Variants in ZC4H2 observed in about 807,000 individuals in gnomAD.
The protein encoded by ZC4H2 is zinc finger C4H2-type containing, also known as zinc finger C4H2 domain-containing protein.
For synonymous variants in ZC4H2, 84 were observed against 66.3 expected, an observed-to-expected ratio of 1.27 and a Z score of -1.30; for missense variants, 137 against 173.9, an observed-to-expected ratio of 0.79 and a Z score of 1.19.
intron 1 of ZC4H2, among the ~76,000 whole-genome samples, chrX:65,005,821 G>A (rs1430878176): frequency 9.1e-6 from 1 of 109,435 alleles, no homozygotes; most frequent in African/African-American, 3.3e-5. Flanking sequence ...CTGACAAAGG[G>A]CTAATATACA....
At chrX:64,919,377 G>A (rs918601147) in intron 3 of ZC4H2, 173 bp from the exon 4 acceptor site, 1 of 482,042 alleles carries the variant, frequency 2.1e-6, no homozygotes, top group African/African-American at 2.4e-5. Flanking sequence ...AATGTCTGAT[G>A]AGAAGGGTAA....
chrX:64,941,256 C>T (rs1260366149), intron 1 of ZC4H2, among the ~76,000 whole-genome samples: 1 of 112,155 alleles, frequency 8.9e-6, no homozygotes. Flanking sequence ...TATCCTGAGA[C>T]TTTGCTAAAG....
At chrX:64,923,658 A>G (rs1175400631) in intron 1 of ZC4H2, among the ~76,000 whole-genome samples, 1 of 105,765 alleles carries the variant, frequency 9.5e-6, no homozygotes, top group Non-Finnish European at 1.9e-5. Flanking sequence ...TTCTATACTA[A>G]GAAAACATCT....
upstream of ZC4H2, among the ~76,000 whole-genome samples, chrX:64,981,071 T>C (rs1447817729): frequency 1.8e-5 from 2 of 109,024 alleles, no homozygotes; most frequent in Admixed American, 2.0e-4. Context: ...GCAGAACGAA[T>C]AGCCGGTGCA....
chrX:65,017,083 A>G (rs1569231508), intron 1 of ZC4H2, among the ~76,000 whole-genome samples: 1 of 111,836 alleles, frequency 8.9e-6, no homozygotes, highest in Non-Finnish European at 1.9e-5. Context: ...CATCTGCTAG[A>G]GTTATTTCTG....
chrX:64,940,892 G>T (rs1288903659), intron 1 of ZC4H2, among the ~76,000 whole-genome samples: 2 of 111,556 alleles, frequency 1.8e-5, no homozygotes, highest in Non-Finnish European at 3.8e-5. Context: ...CTCTTTTTTG[G>T]TTCCACATGA....
intron 1 of ZC4H2, among the ~76,000 whole-genome samples, chrX:64,990,267 C>T (rs146948569): frequency 0.019 from 2,094 of 111,728 alleles, 19 homozygotes; most frequent in Non-Finnish European, 0.031. Context: ...ATGTCAATCC[C>T]TAAAGGGATA....
At chrX:64,955,524 C>G (rs986816240) in intron 1 of ZC4H2, among the ~76,000 whole-genome samples, 1 of 111,166 alleles carries the variant, frequency 9.0e-6, no homozygotes, top group Non-Finnish European at 1.9e-5. Flanking sequence ...AATCTCACAA[C>G]TGAGAAGGGT....
At chrX:64,979,824 T>A (rs780082193), upstream of ZC4H2, among the ~76,000 whole-genome samples, 20 of 111,551 alleles carry the variant, frequency 1.8e-4, no homozygotes, top group African/African-American at 5.9e-4. Context: ...TAAAAAAAAA[T>A]CTTAGTTTTA....
chrX:64,958,517 T>C (rs1015040138), intron 1 of ZC4H2, among the ~76,000 whole-genome samples: 3 of 111,988 alleles, frequency 2.7e-5, no homozygotes, highest in African/African-American at 9.7e-5. Context: ...CTTGCTTCTA[T>C]ATATGGCTAT....
In ZC4H2 at chrX:64,949,405, C is replaced by T. The variant is rs975253743; in HGVS notation, c.53+26920G>A. Among the ~76,000 whole-genome samples the T allele has an allele frequency of 3.6e-5, 4 of 111,394 alleles. No homozygotes were observed. The South Asian group carries it at 1.5e-3, about 42-fold the overall frequency. ...TGAATGACTTACAGTACCTAGAATT[C>T]CATTTCATCATATCAAACTGTTTTA... On this transcript the variant is annotated intron_variant, in intron 1 of 4. Transcript: ENST00000374839.
chrX:65,001,957 G>A (rs1932545760), intron 1 of ZC4H2, among the ~76,000 whole-genome samples: 2 of 111,240 alleles, frequency 1.8e-5, no homozygotes, highest in Admixed American at 1.9e-4. Flanking sequence ...TCTTAGAGAC[G>A]TAAAAAGAGA....
At position 64,958,434 on chromosome X, in the gene ZC4H2, T is replaced by C. The variant is rs754427252; in HGVS notation, c.53+17891A>G. Among the ~76,000 whole-genome samples, 163 of 111,954 alleles carry C rather than the reference T, an allele frequency of 1.5e-3. 1 individual carries two copies. The highest frequency in any genetic ancestry group is 5.1e-3 in the African/African-American group (156 of 30,797). Reference sequence around the variant, plus strand: ...GTATATATGTACATATATGTGTATATAAAAATTGTTATATTGGCCAATTTC... The same window carrying C: ...GTATATATGTACATATATGTGTATACAAAAATTGTTATATTGGCCAATTTC... On this transcript the variant is annotated intron_variant, in intron 1 of 4. Transcript: ENST00000374839.
At chrX:65,011,721 T>TG (rs1932756540) in intron 1 of ZC4H2, among the ~76,000 whole-genome samples, 1 of 108,844 alleles carries the variant, frequency 9.2e-6, no homozygotes, top group South Asian at 4.1e-4. Context: ...TGTATTTTTT[T>TG]TTGTTGTTGT....
intron 1 of ZC4H2, among the ~76,000 whole-genome samples, chrX:64,966,100 A>T (rs935945031): frequency 6.2e-5 from 7 of 112,099 alleles, no homozygotes; most frequent in African/African-American, 2.3e-4. Flanking sequence ...CAAAACTCAC[A>T]ATCAGTAAAC....
chrX:64,951,044 A>G (rs1336365807), intron 1 of ZC4H2, among the ~76,000 whole-genome samples: 1 of 110,849 alleles, frequency 9.0e-6, no homozygotes, highest in African/African-American at 3.3e-5. Context: ...CCTATGAGTG[A>G]GAACATGCGG....
At chrX:64,949,719 C>T (rs1930700381) in intron 1 of ZC4H2, among the ~76,000 whole-genome samples, 1 of 111,320 alleles carries the variant, frequency 9.0e-6, no homozygotes, top group South Asian at 3.8e-4. Context: ...TTTATGGCAT[C>T]CATTTGATTC....
chrX:64,949,874 T>G (rs1383482698), intron 1 of ZC4H2, among the ~76,000 whole-genome samples: 1 of 111,714 alleles, frequency 9.0e-6, no homozygotes, highest in Non-Finnish European at 1.9e-5. Context: ...CTTAGTTATT[T>G]CTTGCCTTCT....
intron 1 of ZC4H2, among the ~76,000 whole-genome samples, chrX:64,948,158 T>C (rs934017074): frequency 5.4e-5 from 6 of 111,204 alleles, no homozygotes; most frequent in African/African-American, 2.0e-4. Flanking sequence ...TGGAGCTTCA[T>C]GGATTTGTGT....
Sources: gnomAD v4.1 joint callset for allele counts (sites outside exome capture counted in the v4.1 genomes callset) on GRCh38, gnomAD v4.1.1 for gene constraint, MANE v1.5 for transcripts, NCBI Gene and HGNC (gene_info 2026-07-23, HGNC 2026-07-21) for gene names.